Variants in MYO7A observed in about 807,000 individuals in gnomAD.
The protein encoded by MYO7A is myosin VIIA.
MYO7A carries 210 observed loss-of-function variants against 263.8 expected under a neutral mutation model. The observed-to-expected ratio is 0.80, with a 90% CI of 0.71 to 0.89. The LOEUF is 0.89. Ranked by LOEUF, MYO7A falls within the 40% of genes least tolerant of loss-of-function variation. The pLI, the probability that MYO7A is intolerant of heterozygous loss-of-function variation, is 0.00. For synonymous variants in MYO7A, 1,239 were observed against 1,197.3 expected (o/e 1.03, Z -0.72); for missense variants, 2,820 against 2,968.3 (o/e 0.95, Z 1.16).
At position 77,211,826 on chromosome 11, in the gene MYO7A, C is replaced by A. The variant is rs727504834; in HGVS notation, c.6243C>A (p.Ile2081=). Residue 2081 remains isoleucine (I), a synonymous_variant, in exon 46 of 49, where the codon ATC becomes ATA. Transcript: ENST00000409709. The part of the protein sequence containing the change: ...QVSPDDWKRS[I]VAYFNKHAGK... ...TGACCGCCCTGTCCCCATAGTCCATCGTCGCCTACTTCAACAAGCACGCAG... is the reference window on the plus strand; with the variant it reads ...TGACCGCCCTGTCCCCATAGTCCATAGTCGCCTACTTCAACAAGCACGCAG... 41 of 1,613,634 alleles carry A rather than the reference C, an allele frequency of 2.5e-5. No individual in the cohort carries two copies. Among genetic ancestry groups the A allele is most frequent in the Non-Finnish European group, 3.5e-5 (41 of 1,179,622 alleles).
chr11:77,174,626 C>G, intron 16 of MYO7A, 130 bp from the exon 17 acceptor site: 1 of 918,680 alleles, frequency 1.1e-6, no homozygotes, highest in Non-Finnish European at 1.6e-6. Flanking sequence ...GGTGCCTGTC[C>G]CAGCTTTGCT....
chr11:77,147,739 C>T (rs1951674951), intron 3 of MYO7A, 59 bp from the exon 4 acceptor site: 2 of 1,585,204 alleles, frequency 1.3e-6, no homozygotes, highest in Middle Eastern at 1.7e-4. Context: ...CCGGCCCCTT[C>T]CCCTGAAGTG....
intron 12 of MYO7A, 43 bp downstream of exon 12, chr11:77,161,158 AT>A: frequency 1.2e-6 from 2 of 1,609,866 alleles, no homozygotes; most frequent in Non-Finnish European, 1.7e-6. Flanking sequence ...CTTCCCCAAT[AT>A]GGAAATAAGA....
Position 77,156,012 on chromosome 11 carries a change from C to T in MYO7A, c.391C>T (p.Pro131Ser), listed in dbSNP as rs377214759. 6.2e-6 allele frequency: 10 copies of T among 1,613,376 alleles called. No homozygotes were observed. In the African/African-American group the frequency reaches 1.2e-4, roughly 19 times the overall value. Residue 131 changes from proline to serine, a missense_variant, in exon 5 of 49, where the codon CCC becomes TCC. Pro to Ser is a moderately conservative substitution (Grantham distance 74). Coordinates refer to ENST00000409709, the MANE Select transcript of MYO7A (RefSeq NM_000260.4). ...QYTNKKIGEM[P>S]PHIFAIADNC... ...TACCAACAAGAAGATTGGGGAGATG[C>T]CCCCCCACATCTTTGCCATTGCTGA...
At chr11:77,160,495 G>T (rs986027497) in intron 11 of MYO7A, among the ~76,000 whole-genome samples, 3 of 152,160 alleles carry the variant, frequency 2.0e-5, no homozygotes, top group Admixed American at 6.5e-5. Flanking sequence ...TTGGCTTTTG[G>T]CCTGCTTTGG....
chr11:77,212,937 C>A lies in MYO7A; in HGVS notation c.6355-15C>A. The A allele has an allele frequency of 1.3e-6, 2 of 1,576,208 alleles. No individual in the cohort carries two copies. The highest frequency in any genetic ancestry group is 2.3e-5 in the East Asian group (1 of 43,460). ...TCTGGGCCCCCATCTGATGCCTTCTCATCTTTTTTTCTAGCAAACTACGGA... is the reference window on the plus strand; with the variant it reads ...TCTGGGCCCCCATCTGATGCCTTCTAATCTTTTTTTCTAGCAAACTACGGA... On this transcript the variant is annotated splice_polypyrimidine_tract_variant and intron_variant, in intron 46 of 48. Coordinates refer to ENST00000409709, the MANE Select transcript of MYO7A (RefSeq NM_000260.4).
chr11:77,160,918 C>T (rs1198564983), intron 11 of MYO7A, 55 bp from the exon 12 acceptor site: 43 of 1,563,954 alleles, frequency 2.7e-5, no homozygotes, highest in Non-Finnish European at 3.5e-5. Context: ...AGGAGCCTGG[C>T]CTGTCCCCCG....
At chr11:77,147,741 C>A (rs1951675162) in intron 3 of MYO7A, 57 bp from the exon 4 acceptor site, 1 of 1,589,692 alleles carries the variant, frequency 6.3e-7, no homozygotes, top group Non-Finnish European at 8.5e-7. Context: ...GGCCCCTTCC[C>A]CTGAAGTGCG....
intron 31 of MYO7A, chr11:77,193,998 C>T: frequency 2.0e-6 from 1 of 498,902 alleles, no homozygotes; most frequent in Non-Finnish European, 3.9e-6. Flanking sequence ...ACTTCCTCTT[C>T]TGCTGTTTGT....
chr11:77,207,055 G>A, intron 41 of MYO7A: 1 of 454,638 alleles, frequency 2.2e-6, no homozygotes. Flanking sequence ...CCCTGGCCCA[G>A]GACTCTGGAC....
At chr11:77,167,659 C>T (rs1307508342) in intron 15 of MYO7A, among the ~76,000 whole-genome samples, 1 of 152,168 alleles carries the variant, frequency 6.6e-6, no homozygotes, top group Non-Finnish European at 1.5e-5. Flanking sequence ...GCCTCCTTTT[C>T]TCTCCTCAGC....
chr11:77,134,022 TGGGTTCAA>T (rs111235576), intron 2 of MYO7A, among the ~76,000 whole-genome samples: 9,631 of 152,248 alleles, frequency 0.063, 391 homozygotes, highest in East Asian at 0.21. Flanking sequence ...CTCTGCCTCC[TGGGTTCAA>T]GCAATTCTCC....
chr11:77,159,545 C>T (rs373979407), intron 10 of MYO7A, 22 bp downstream of exon 10: 9 of 1,608,766 alleles, frequency 5.6e-6, no homozygotes, highest in African/African-American at 1.3e-5. Context: ...GCCTCTCTCC[C>T]CTCCATGACT....
rs1555064306 is a variant in MYO7A at position 77,157,398 on chromosome 11, G to A, written c.849+6G>A. On this transcript the variant is annotated splice_donor_region_variant and intron_variant, in intron 8 of 48. Coordinates refer to ENST00000409709, the MANE Select transcript of MYO7A (RefSeq NM_000260.4). The stretch of plus-strand genomic sequence containing the variant: ...ACTACAACTACTTGGCCATGGTGAG[G>A]CCCAGGTGGGCCCCTGGGTAGGGGG... 1 of 1,590,128 alleles carries A rather than the reference G, an allele frequency of 6.3e-7. No individual in the cohort carries two copies. Among genetic ancestry groups the A allele is most frequent in the Non-Finnish European group, 8.6e-7 (1 of 1,166,160 alleles).
At chr11:77,202,517 C>T in intron 37 of MYO7A, 93 bp downstream of exon 37, 2 of 1,467,244 alleles carry the variant, frequency 1.4e-6, no homozygotes, top group African/African-American at 1.4e-5. Context: ...CTTTGTGAAG[C>T]CCCCACCTGT....
At chr11:77,137,198 G>A (rs1424781258) in intron 2 of MYO7A, among the ~76,000 whole-genome samples, 32 of 152,142 alleles carry the variant, frequency 2.1e-4, no homozygotes, top group African/African-American at 7.7e-4. Context: ...GAAGTGAGTG[G>A]GAATCACTGA....
rs2135733833 is a variant in MYO7A at position 77,205,584 on chromosome 11, T to C, written c.5603T>C (p.Ile1868Thr). 1.2e-6 allele frequency: 2 copies of C among 1,613,480 alleles called. No individual in the cohort carries two copies. The highest frequency in any genetic ancestry group is 2.2e-5 in the East Asian group (1 of 44,882). ...LQSRKHCPLAIDCLQRLQKAL... is the reference protein window; with the variant it reads ...LQSRKHCPLATDCLQRLQKAL... ...TCCCGAAAGCACTGCCCACTCGCCA[T>C]CGACTGCCTGCAACGGCTCCAGAAA... Residue 1868 changes from isoleucine to threonine, a missense_variant, in exon 40 of 49, where the codon ATC becomes ACC. By Grantham distance (89) the Ile-to-Thr change is moderately conservative. Transcript: ENST00000409709.
chr11:77,204,107 C>T lies in MYO7A; in HGVS notation c.5358C>T (p.Ser1786=), dbSNP rs1284771003. Reference sequence around the variant, plus strand: ...TCAAGTACATGGGCGACTACCCGTCCAAGAGGACACGCTCCGTCAACGAGC... The same window carrying T: ...TCAAGTACATGGGCGACTACCCGTCTAAGAGGACACGCTCCGTCAACGAGC... ...AVLKYMGDYP[S]KRTRSVNELT... Residue 1786 remains serine, a synonymous_variant, in exon 39 of 49, where the codon TCC becomes TCT. Transcript: ENST00000409709. 1.9e-6 allele frequency: 3 copies of T among 1,601,548 alleles called. No homozygotes were observed.
intron 4 of MYO7A, 46 bp downstream of exon 4, chr11:77,147,996 C>A: frequency 6.9e-7 from 1 of 1,459,542 alleles, no homozygotes; most frequent in Non-Finnish European, 9.1e-7. Flanking sequence ...CCTCAGGCCC[C>A]GCCCCGCCCA....
Sources: allele counts gnomAD v4.1 joint callset (sites outside exome capture counted in the v4.1 genomes callset), GRCh38; gene constraint gnomAD v4.1.1; transcripts MANE v1.5; gene names NCBI Gene and HGNC (gene_info 2026-07-23, HGNC 2026-07-21).